Variants in ARF4 observed in about 807,000 individuals in gnomAD.
ARF4 encodes ADP-ribosylation factor 4.
Under a neutral mutation model 24.3 loss-of-function variants are expected in ARF4, and 5 were observed. The ratio of observed to expected loss-of-function variants is 0.21; its 90% CI spans 0.11 to 0.43. ARF4 has a LOEUF of 0.43. Among genes scored for constraint, ARF4 ranks in the 20% least tolerant of loss-of-function variants. The pLI is 1.00. For synonymous variants in ARF4, 62 were observed against 73.5 expected (o/e 0.84, Z 0.80); for missense variants, 107 against 213.0 (o/e 0.50, Z 3.10).
chr3:57,585,657 T>C (rs756386054), intron 1 of ARF4, among the ~76,000 whole-genome samples: 1 of 128,100 alleles, frequency 7.8e-6, no homozygotes, highest in Admixed American at 1.0e-4. Flanking sequence ...ATAAGTAATA[T>C]CTAAATTCTT....
At chr3:57,590,220 C>T (rs912115920) in intron 1 of ARF4, among the ~76,000 whole-genome samples, 12 of 152,016 alleles carry the variant, frequency 7.9e-5, no homozygotes, top group African/African-American at 2.9e-4. Context: ...GGTGCAGTGG[C>T]TCACACCTGT....
intron 3 of ARF4, among the ~76,000 whole-genome samples, chr3:57,582,054 G>GGT (rs1278619831): frequency 6.6e-6 from 1 of 152,062 alleles, no homozygotes; most frequent in Non-Finnish European, 1.5e-5. Context: ...TGCTCAACTG[G>GGT]GTACAATGCA....
intron 1 of ARF4, among the ~76,000 whole-genome samples, chr3:57,589,400 C>T (rs542769779): frequency 4.6e-5 from 7 of 152,098 alleles, no homozygotes; most frequent in Non-Finnish European, 7.4e-5. Context: ...TGCAATTCAG[C>T]GTAAGCAACA....
chr3:57,572,412 A>C, intron 5 of ARF4, 114 bp from the exon 6 acceptor site: 2 of 732,036 alleles, frequency 2.7e-6, no homozygotes, highest in Admixed American at 2.6e-5. Flanking sequence ...ATCTCACAAA[A>C]CTCTCCCATA....
intron 5 of ARF4, among the ~76,000 whole-genome samples, chr3:57,573,603 G>A (rs2069865945): frequency 6.6e-6 from 1 of 152,110 alleles, no homozygotes; most frequent in Non-Finnish European, 1.5e-5. Context: ...TTGTTTTGAG[G>A]CAGAGTACTC....
In ARF4 at chr3:57,583,955, A is replaced by G. The variant is rs1159717283; in HGVS notation, c.201T>C (p.Asp67=). The G allele has an allele frequency of 1.2e-6, 2 of 1,613,040 alleles. No individual in the cohort carries two copies. The highest frequency in any genetic ancestry group is 1.7e-6 in the Non-Finnish European group (2 of 1,179,280). ...EYKNICFTVW[D]VGGQDRIRPL... ...GCCTAATTCTATCTTGACCACCAAC[A>G]TCCCATACTGTGAAACAAATGTTCT... Residue 67 remains aspartate, a synonymous_variant, in exon 3 of 6, where the codon GAT becomes GAC. Coordinates refer to ENST00000303436, the MANE Select transcript of ARF4 (RefSeq NM_001660.4).
chr3:57,587,947 G>A (rs1300246894), intron 1 of ARF4, among the ~76,000 whole-genome samples: 1 of 152,088 alleles, frequency 6.6e-6, no homozygotes, highest in South Asian at 2.1e-4. Context: ...TTTAATGCAC[G>A]AATTAAACAT....
chr3:57,581,778 C>T (rs1264023954), intron 3 of ARF4, among the ~76,000 whole-genome samples: 1 of 151,982 alleles, frequency 6.6e-6, no homozygotes, highest in Non-Finnish European at 1.5e-5. Context: ...GGTGACAGGA[C>T]GAGAACTCCA....
At chr3:57,583,855 A>G in intron 3 of ARF4, 43 bp downstream of exon 3, 1 of 1,379,010 alleles carries the variant, frequency 7.3e-7, no homozygotes, top group Non-Finnish European at 1.0e-6. Context: ...TTAGAGCATG[A>G]AACCCACAAA....
intron 3 of ARF4, among the ~76,000 whole-genome samples, chr3:57,581,798 A>C (rs1351926880): frequency 6.6e-6 from 1 of 152,218 alleles, no homozygotes; most frequent in Non-Finnish European, 1.5e-5. Flanking sequence ...ATCTCAAAAA[A>C]AATAAACAAA....
chr3:57,587,250 C>T (rs1219383361), intron 1 of ARF4, among the ~76,000 whole-genome samples: 3 of 139,602 alleles, frequency 2.1e-5, no homozygotes, highest in Non-Finnish European at 4.5e-5. Context: ...ACCCAGGAGG[C>T]GGATGTTGCA....
intron 1 of ARF4, among the ~76,000 whole-genome samples, chr3:57,585,662 A>T: frequency 1.6e-5 from 1 of 62,524 alleles, no homozygotes; most frequent in Non-Finnish European, 3.0e-5. Flanking sequence ...TAATATCTAA[A>T]TTCTTTTTTT....
chr3:57,585,683 G>C (rs1431287449), intron 1 of ARF4, among the ~76,000 whole-genome samples: 3 of 98,766 alleles, frequency 3.0e-5, no homozygotes, highest in Non-Finnish European at 6.3e-5. Flanking sequence ...TTTTTTTTGA[G>C]ACAGAGTATC....
intron 1 of ARF4, among the ~76,000 whole-genome samples, chr3:57,584,840 A>G (rs1006286898): frequency 6.7e-6 from 1 of 149,964 alleles, no homozygotes; most frequent in Admixed American, 6.6e-5. Context: ...AATTCTATGA[A>G]CTACCAGCAT....
At chr3:57,578,461 G>A (rs1409895164) in intron 3 of ARF4, among the ~76,000 whole-genome samples, 1 of 119,452 alleles carries the variant, frequency 8.4e-6, no homozygotes, top group Non-Finnish European at 2.0e-5. Flanking sequence ...AAGGAAGGTA[G>A]TTATCAATTC....
At chr3:57,580,711 C>CAAG (rs1235383918) in intron 3 of ARF4, among the ~76,000 whole-genome samples, 2 of 151,762 alleles carry the variant, frequency 1.3e-5, no homozygotes, top group Non-Finnish European at 2.9e-5. Context: ...CTACCCTTTA[C>CAAG]AAGAGGTAAT....
intron 1 of ARF4, among the ~76,000 whole-genome samples, chr3:57,594,936 G>A (rs1008649195): frequency 3.3e-5 from 5 of 152,138 alleles, no homozygotes; most frequent in African/African-American, 1.2e-4. Context: ...TTCCTTTGAT[G>A]AGTTACCATA....
chr3:57,583,628 C>T (rs963755675), intron 3 of ARF4, among the ~76,000 whole-genome samples: 1 of 152,078 alleles, frequency 6.6e-6, no homozygotes, highest in Non-Finnish European at 1.5e-5. Context: ...CAAAGAACTA[C>T]GGATAAGAGA....
At chr3:57,594,479 A>G (rs1297859839) in intron 1 of ARF4, among the ~76,000 whole-genome samples, 1 of 152,242 alleles carries the variant, frequency 6.6e-6, no homozygotes, top group Non-Finnish European at 1.5e-5. Context: ...CTGTCAATCA[A>G]TAGTTCAGAT....
Sources: allele counts gnomAD v4.1 joint callset (sites outside exome capture counted in the v4.1 genomes callset), GRCh38; gene constraint gnomAD v4.1.1; transcripts MANE v1.5; gene names NCBI Gene and HGNC (gene_info 2026-07-23, HGNC 2026-07-21).